Variants in FANCA observed in about 807,000 individuals in gnomAD.
FANCA encodes the protein FA complementation group A, also known as Fanconi anemia group A protein.
FANCA carries 236 observed loss-of-function variants against 194.3 expected under a neutral mutation model. The ratio of observed to expected loss-of-function variants is 1.21; its 90% CI spans 1.09 to 1.35. FANCA has a LOEUF of 1.35. FANCA is among the 40% of genes most tolerant of loss of function. The pLI is 0.00. For missense variants in FANCA, 2,628 were observed against 1,813.9 expected (o/e 1.45, Z -8.15); for synonymous variants, 1,014 against 715.8 (o/e 1.42, Z -6.65).
chr16:89,737,739 G>A lies in FANCA; in HGVS notation c.*862C>T. ...TTCCCAGCTGTGATGGTTTCACATTGTCATCGTCGTCCCCCCGGGAGGTTG... is the reference window on the plus strand; with the variant it reads ...TTCCCAGCTGTGATGGTTTCACATTATCATCGTCGTCCCCCCGGGAGGTTG... On this transcript the variant is annotated 3_prime_UTR_variant, in exon 43 of 43. Transcript: ENST00000389301. 1 of 1,605,754 alleles carries A rather than the reference G, an allele frequency of 6.2e-7. No homozygotes were observed. Among genetic ancestry groups the A allele is most frequent in the Non-Finnish European group, 8.5e-7 (1 of 1,173,796 alleles).
rs202088004 is a variant in FANCA, at chr16:89,788,640, A to T, written c.1359+2763T>A. ...GGTATGACATTGTATTTACAAAAAA[A>T]TTTTTTTTAATTAGCTGGGTGTGGT... On this transcript the variant is annotated intron_variant, in intron 14 of 42. Coordinates refer to ENST00000389301, the MANE Select transcript of FANCA (RefSeq NM_000135.4). 3.9e-5 allele frequency among the ~76,000 whole-genome samples: 6 copies of T among 152,040 alleles called. No homozygotes were observed. In the East Asian group the frequency reaches 5.8e-4, roughly 15 times the overall value.
intron 38 of FANCA, chr16:89,740,501 A>G (rs1344997840): frequency 6.2e-6 from 3 of 482,608 alleles, no homozygotes; most frequent in African/African-American, 3.9e-5. Context: ...CGGGTGTGAC[A>G]GACTCACGCC....
At position 89,767,210 on chromosome 16, in the gene FANCA, AGAGT is replaced by A; in HGVS notation, c.2528_2531del (p.Tyr843PhefsTer45). 1 of 1,613,606 alleles carries A rather than the reference AGAGT, an allele frequency of 6.2e-7. No homozygotes were observed. The highest frequency in any genetic ancestry group is 8.5e-7 in the Non-Finnish European group (1 of 1,179,522). ...GTGACTGGGAAGAAAACTTGCAGAG[AGAGT>A]AAGAAATTGCTGCTGTACAAAATCT... On this transcript the variant is annotated frameshift_variant, in exon 27 of 43. Coordinates refer to ENST00000389301, the MANE Select transcript of FANCA (RefSeq NM_000135.4). LOFTEE classifies it high-confidence loss of function.
intron 14 of FANCA, among the ~76,000 whole-genome samples, chr16:89,786,033 T>TTC (rs1598142718): frequency 6.7e-6 from 1 of 148,910 alleles, no homozygotes; most frequent in East Asian, 2.0e-4. Flanking sequence ...TTTTTTTTTT[T>TTC]TGAGAGAGAG....
In FANCA at chr16:89,792,405, G is replaced by A. The variant is rs192256012; in HGVS notation, c.1083+66C>T. On this transcript the variant is annotated intron_variant, in intron 12 of 42. Transcript: ENST00000389301. ...CCGTCCACGGCAGGCAGCATGACAA[G>A]TACTAGGCAGATCTTAATCCCCCCG... The A allele has an allele frequency of 5.3e-6, 8 of 1,505,876 alleles. No homozygotes were observed. In the South Asian group the frequency reaches 9.0e-5, roughly 17 times the overall value. 93.3% of individuals were successfully genotyped at this position (1,505,876 alleles called of 1,614,324 possible).
At chr16:89,774,708 C>A (rs1331095132) in intron 21 of FANCA, among the ~76,000 whole-genome samples, 2 of 103,766 alleles carry the variant, frequency 1.9e-5, no homozygotes, top group Non-Finnish European at 3.6e-5. Context: ...CCAGCCTGGG[C>A]AACAGAGCGA....
intron 21 of FANCA, among the ~76,000 whole-genome samples, chr16:89,774,955 G>T (rs17226477): frequency 6.6e-6 from 1 of 151,736 alleles, no homozygotes; most frequent in Non-Finnish European, 1.5e-5. Flanking sequence ...CTAGCAAGGC[G>T]TAGTAGTGCG....
At chr16:89,795,192 G>A (rs1026391578) in intron 11 of FANCA, among the ~76,000 whole-genome samples, 1 of 151,624 alleles carries the variant, frequency 6.6e-6, no homozygotes, top group African/African-American at 2.4e-5. Flanking sequence ...GGCTGAGGCA[G>A]GAGAATGGTT....
chr16:89,795,328 T>G (rs931039477), intron 11 of FANCA, among the ~76,000 whole-genome samples: 3 of 129,816 alleles, frequency 2.3e-5, no homozygotes, highest in East Asian at 3.1e-4. Context: ...ATAAATAAAA[T>G]AAAGATATTT....
Position 89,738,305 on chromosome 16 carries a change from C to T in FANCA, c.*296G>A. ...TGGACTCCGCAGTGGCTGTGTCAGC[C>T]TCACCCTTCGTGTGCACCCGCATGG... On this transcript the variant is annotated 3_prime_UTR_variant, in exon 43 of 43. Coordinates refer to ENST00000389301, the MANE Select transcript of FANCA (RefSeq NM_000135.4). The T allele has an allele frequency of 6.5e-7, 1 of 1,531,376 alleles. No homozygotes were observed. The highest frequency in any genetic ancestry group is 8.8e-7 in the Non-Finnish European group (1 of 1,140,062). The allele number at this position is 1,531,376 out of a possible 1,614,324, so 94.9% of individuals were successfully genotyped here. A position where few individuals can be genotyped will look rare whatever the true frequency, so the allele number is the denominator to read the frequency against.
chr16:89,777,899 C>T (rs1056925858), intron 20 of FANCA, among the ~76,000 whole-genome samples: 1 of 152,014 alleles, frequency 6.6e-6, no homozygotes, highest in South Asian at 2.1e-4. Context: ...CGGTAGCTCA[C>T]GCCTATAATC....
Position 89,758,612 on chromosome 16 carries a change from G to T in FANCA, c.2946C>A (p.Thr982=), listed in dbSNP as rs2038840776. Residue 982 remains threonine (T), a synonymous_variant, in exon 30 of 43, where the codon ACC becomes ACA. Transcript: ENST00000389301. ...GCDGDLQAAC[T]ILVNALMDFH... ...AATCCATCAGTGCGTTGACAAGAAT[G>T]GTACACGCAGCCTGCAGGTCTCCGT... 1 of 1,613,992 alleles carries T rather than the reference G, an allele frequency of 6.2e-7. No homozygotes were observed. The highest frequency in any genetic ancestry group is 8.5e-7 in the Non-Finnish European group (1 of 1,179,910).
intron 3 of FANCA, among the ~76,000 whole-genome samples, chr16:89,813,411 A>C (rs2040980503): frequency 6.8e-6 from 1 of 146,014 alleles, no homozygotes; most frequent in Non-Finnish European, 1.5e-5. Flanking sequence ...CTGTCTGTTA[A>C]AAAAAAAAAA....
intron 29 of FANCA, 81 bp downstream of exon 29, chr16:89,761,868 T>C: frequency 2.7e-6 from 3 of 1,117,150 alleles, no homozygotes; most frequent in Non-Finnish European, 4.1e-6. Context: ...TCAAGAGATC[T>C]CCTGCCTCAG....
Position 89,738,916 on chromosome 16 carries a change from C to G in FANCA, c.4226G>C (p.Arg1409Pro). ...GTGTGAGAAGCTCTTTTTCGGGCAC[C>G]GAGGTATTAACTGCAGCAGAAAAAG... ...ARLFLLQLIP[R>P]CPKKSFSHVA... The change falls in exon 42 of 43, where the codon CGG (arginine) becomes CCG (proline). Residue 1409 changes from arginine to proline, a missense_variant. By Grantham distance (103) the Arg-to-Pro change is moderately radical. Coordinates refer to ENST00000389301, the MANE Select transcript of FANCA (RefSeq NM_000135.4). 1.9e-6 allele frequency: 3 copies of G among 1,614,234 alleles called. No homozygotes were observed. Among genetic ancestry groups the G allele is most frequent in the Non-Finnish European group, 2.5e-6 (3 of 1,180,046 alleles).
rs373682746 is a variant in FANCA, at chr16:89,739,337, T to A, written c.4011-48A>T. The A allele has an allele frequency of 2.0e-4, 321 of 1,610,824 alleles. 5 individuals are homozygous for A. The South Asian group carries it at 2.8e-3, about 14-fold the overall frequency. On this transcript the variant is annotated intron_variant, in intron 40 of 42. Coordinates refer to ENST00000389301, the MANE Select transcript of FANCA (RefSeq NM_000135.4). Reference sequence around the variant, plus strand: ...AAATGGCTACAGACTGCTGGAAAGGTAGCAGGTGATGCCAAGGGATACTGC... The same window carrying A: ...AAATGGCTACAGACTGCTGGAAAGGAAGCAGGTGATGCCAAGGGATACTGC...
intron 21 of FANCA, among the ~76,000 whole-genome samples, chr16:89,774,936 A>C (rs2039450789): frequency 6.6e-6 from 1 of 151,672 alleles, no homozygotes; most frequent in East Asian, 1.9e-4. Flanking sequence ...TCTACTAAAA[A>C]TACAAAAACT....
chr16:89,765,288 G>C (rs1215466149), intron 27 of FANCA, among the ~76,000 whole-genome samples: 2 of 149,852 alleles, frequency 1.3e-5, no homozygotes, highest in Non-Finnish European at 3.0e-5. Context: ...CACGTTTAGG[G>C]GACCTCAGTC....
rs2039173353 is a variant in FANCA, at chr16:89,767,563, T to G, written c.2505-326A>C. The stretch of plus-strand genomic sequence containing the variant: ...TGTTGTAGTTGTTGTTAGTGCTTTT[T>G]TTTTGAGAGGGAGTCTTGCTCTGTT... On this transcript the variant is annotated intron_variant, in intron 26 of 42. Transcript: ENST00000389301. 3.9e-5 allele frequency among the ~76,000 whole-genome samples: 6 copies of G among 152,034 alleles called. No individual in the cohort carries two copies. In the South Asian group the frequency reaches 1.2e-3, roughly 32 times the overall value.
Sources: allele counts gnomAD v4.1 joint callset (sites outside exome capture counted in the v4.1 genomes callset), GRCh38; gene constraint gnomAD v4.1.1; transcripts MANE v1.5; gene names NCBI Gene and HGNC (gene_info 2026-07-23, HGNC 2026-07-21).